DSCAM: variants seen among roughly 807,000 people sequenced by gnomAD.
DSCAM encodes cell adhesion molecule DSCAM.
Under a neutral mutation model 217.7 loss-of-function variants are expected in DSCAM, and 47 were observed. That is an observed-to-expected ratio of 0.22 (90% confidence interval 0.17 to 0.28). DSCAM has a LOEUF of 0.28. Among genes scored for constraint, DSCAM ranks in the 10% least tolerant of loss-of-function variants. DSCAM has a pLI of 1.00. For synonymous variants in DSCAM, 1,056 were observed against 1,015.3 expected (o/e 1.04, Z -0.76); for missense variants, 2,080 against 2,618.3 (o/e 0.79, Z 4.49).
At chr21:40,593,332 T>TC (rs57423291) in intron 3 of DSCAM, among the ~76,000 whole-genome samples, 3 of 151,448 alleles carry the variant, frequency 2.0e-5, no homozygotes, top group Admixed American at 6.6e-5. Context: ...TTTTTTTTTT[T>TC]CCTCTGTTTT....
intron 3 of DSCAM, among the ~76,000 whole-genome samples, chr21:40,507,885 C>T (rs1364163538): frequency 1.3e-5 from 2 of 152,120 alleles, no homozygotes; most frequent in Non-Finnish European, 2.9e-5. Flanking sequence ...TCTCTGTACC[C>T]CCTCGCCCCT....
At chr21:40,815,866 A>T (rs1465928722) in intron 1 of DSCAM, among the ~76,000 whole-genome samples, 1 of 152,194 alleles carries the variant, frequency 6.6e-6, no homozygotes, top group African/African-American at 2.4e-5. Flanking sequence ...GACTACAGTG[A>T]GACTGAGATG....
At chr21:40,334,232 T>C (rs958920513) in intron 8 of DSCAM, among the ~76,000 whole-genome samples, 4 of 152,072 alleles carry the variant, frequency 2.6e-5, no homozygotes, top group African/African-American at 7.2e-5. Context: ...AACTCTACTC[T>C]CCCATATCTA....
chr21:40,152,041 A>G (rs774737141), intron 16 of DSCAM, among the ~76,000 whole-genome samples: 7 of 152,072 alleles, frequency 4.6e-5, no homozygotes, highest in Non-Finnish European at 8.8e-5. Flanking sequence ...GGACCTGCAG[A>G]TTTACAGCAA....
At chr21:40,693,047 A>C in intron 2 of DSCAM, 91 bp from the exon 3 acceptor site, 1 of 1,377,462 alleles carries the variant, frequency 7.3e-7, no homozygotes, top group Non-Finnish European at 9.8e-7. Flanking sequence ...TGCAGCACAC[A>C]CACATCAATT....
At chr21:40,344,184 C>CGACA (rs1569075277) in intron 6 of DSCAM, among the ~76,000 whole-genome samples, 1 of 152,060 alleles carries the variant, frequency 6.6e-6, no homozygotes, top group East Asian at 1.9e-4. Context: ...CAGGCGTGAG[C>CGACA]GACAGCACAT....
intron 8 of DSCAM, among the ~76,000 whole-genome samples, chr21:40,317,787 C>T (rs979579242): frequency 2.0e-5 from 3 of 152,152 alleles, no homozygotes; most frequent in Non-Finnish European, 4.4e-5. Flanking sequence ...CCTGCCTTGG[C>T]CTCCCAAAGT....
chr21:40,248,556 C>T, intron 11 of DSCAM, among the ~76,000 whole-genome samples: 1 of 152,216 alleles, frequency 6.6e-6, no homozygotes, highest in East Asian at 1.9e-4. Context: ...TCATTTCCAT[C>T]TGAGACCACC....
chr21:40,097,633 C>G (rs1053590860), intron 20 of DSCAM, among the ~76,000 whole-genome samples: 1 of 152,068 alleles, frequency 6.6e-6, no homozygotes, highest in East Asian at 1.9e-4. Flanking sequence ...CGACTATATG[C>G]TGCTTACAAG....
chr21:40,585,091 G>T (rs533495483), intron 3 of DSCAM, among the ~76,000 whole-genome samples: 2 of 151,920 alleles, frequency 1.3e-5, no homozygotes, highest in Admixed American at 1.3e-4. Flanking sequence ...ACCACAAGTA[G>T]AAGCTTCCTG....
rs748752340 is a variant in DSCAM, at chr21:40,846,675, C to T, written c.-14G>A. ...CAGTATCCACATGCCCCTGCCGCTC[C>T]CCGGCCTCCCGCGAGCGACGCGCCG... On this transcript the variant is annotated 5_prime_UTR_variant, in exon 1 of 33. Coordinates refer to ENST00000400454, the MANE Select transcript of DSCAM (RefSeq NM_001389.5). The T allele has an allele frequency of 1.2e-5, 14 of 1,197,082 alleles. No homozygotes were observed. Among genetic ancestry groups the T allele is most frequent in the Non-Finnish European group, 1.3e-5 (12 of 951,718 alleles). The allele number at this position is 1,197,082 out of a possible 1,614,324, so 74.2% of individuals were successfully genotyped here. A position where few individuals can be genotyped will look rare whatever the true frequency, so the allele number is the denominator to read the frequency against.
At chr21:40,342,923 G>A (rs7276323) in intron 6 of DSCAM, among the ~76,000 whole-genome samples, 110,485 of 150,746 alleles carry the variant, frequency 0.73, 40,919 homozygotes, top group African/African-American at 0.83. Flanking sequence ...TGTTAACTTA[G>A]GAATATTTAG....
chr21:40,284,177 A>G (rs886417686), intron 10 of DSCAM, among the ~76,000 whole-genome samples: 1 of 152,214 alleles, frequency 6.6e-6, no homozygotes, highest in African/African-American at 2.4e-5. Flanking sequence ...TTGCACCTAA[A>G]TAAGGTTTAG....
rs555808658 is a variant in DSCAM at position 40,439,285 on chromosome 21, A to G, written c.509-70040T>C. 4.6e-5 allele frequency among the ~76,000 whole-genome samples: 7 copies of G among 152,338 alleles called. No homozygotes were observed. The South Asian group carries it at 1.0e-3, about 23-fold the overall frequency. ...ACAACATATACACAGGCAAAACAGA[A>G]TCAGAACTTAAATCACTTTTAAAAG... On this transcript the variant is annotated intron_variant, in intron 3 of 32. Transcript: ENST00000400454.
chr21:40,107,821 T>G (rs2063528656), intron 20 of DSCAM, among the ~76,000 whole-genome samples: 1 of 152,216 alleles, frequency 6.6e-6, no homozygotes, highest in South Asian at 2.1e-4. Context: ...GTTTAAAGTC[T>G]GTTTTGTCAG....
At chr21:40,509,261 A>C (rs1405956553) in intron 3 of DSCAM, among the ~76,000 whole-genome samples, 1 of 152,234 alleles carries the variant, frequency 6.6e-6, no homozygotes, top group African/African-American at 2.4e-5. Context: ...CCAAGAAAAT[A>C]AAACAAAGTA....
rs1010947399 is a variant in DSCAM, at chr21:40,512,037, G to T, written c.509-142792C>A. Among the ~76,000 whole-genome samples, 4 of 149,236 alleles carry T rather than the reference G, an allele frequency of 2.7e-5. No individual in the cohort carries two copies. In the South Asian group the frequency reaches 8.5e-4, roughly 32 times the overall value. On this transcript the variant is annotated intron_variant, in intron 3 of 32. Transcript: ENST00000400454. ...TATTCTATTTGAGGTCTTGCTTTTG[G>T]GGGAAACACTTGCATGCAAAAAGCT...
intron 1 of DSCAM, among the ~76,000 whole-genome samples, chr21:40,813,548 CG>C (rs1444501405): frequency 1.3e-5 from 2 of 151,734 alleles, no homozygotes; most frequent in African/African-American, 4.8e-5. Flanking sequence ...TTTAAATTTC[CG>C]TCTTGATTTC....
intron 1 of DSCAM, among the ~76,000 whole-genome samples, chr21:40,794,194 T>C (rs962030008): frequency 2.0e-4 from 30 of 152,194 alleles, no homozygotes; most frequent in African/African-American, 7.0e-4. Flanking sequence ...GTCTATCAAA[T>C]TGAGTTTAAG....
Sources: gnomAD v4.1 joint callset for allele counts (sites outside exome capture counted in the v4.1 genomes callset) on GRCh38, gnomAD v4.1.1 for gene constraint, MANE v1.5 for transcripts, NCBI Gene and HGNC (gene_info 2026-07-23, HGNC 2026-07-21) for gene names.